CAMKMT: variants seen among roughly 807,000 people sequenced by gnomAD.
CAMKMT encodes the protein CaM KMT.
A neutral mutation model predicts 48.0 loss-of-function variants in CAMKMT; 53 were observed. The observed-to-expected ratio is 1.10, with a 90% confidence interval of 0.89 to 1.39. The LOEUF (loss-of-function observed/expected upper bound fraction) is 1.39, where lower values mean the gene tolerates loss of function less well. Among genes scored for constraint, CAMKMT ranks in the 40% most tolerant of loss-of-function variants. CAMKMT has a pLI of 0.00. For missense variants in CAMKMT, 428 were observed against 402.7 expected, an observed-to-expected ratio of 1.06 and a Z score of -0.54; for synonymous variants, 165 against 152.3, an observed-to-expected ratio of 1.08 and a Z score of -0.61.
chr2:44,436,434 G>A (rs1056475077), intron 3 of CAMKMT, among the ~76,000 whole-genome samples: 6 of 152,056 alleles, frequency 3.9e-5, no homozygotes, highest in African/African-American at 1.4e-4. Context: ...TAAAGAAAGG[G>A]GACACCAATT....
chr2:44,631,066 C>T (rs1360624667), intron 3 of CAMKMT, among the ~76,000 whole-genome samples: 3 of 152,124 alleles, frequency 2.0e-5, no homozygotes, highest in Non-Finnish European at 4.4e-5. Context: ...ACTATGCAGC[C>T]ATAAAAAATG....
chr2:44,382,003 A>G (rs575302831), intron 2 of CAMKMT, among the ~76,000 whole-genome samples: 1 of 142,396 alleles, frequency 7.0e-6, no homozygotes, highest in African/African-American at 2.6e-5. Context: ...ATGCAATGGC[A>G]CGATCTCGGC....
intron 3 of CAMKMT, among the ~76,000 whole-genome samples, chr2:44,412,958 C>G (rs2104483549): frequency 6.6e-6 from 1 of 151,886 alleles, no homozygotes. Context: ...CGCCTGTAAA[C>G]CCAGCTATTA....
At chr2:44,546,154 GACACACACACACACACACAC>G (rs4039614) in intron 3 of CAMKMT, among the ~76,000 whole-genome samples, 10,085 of 129,166 alleles carry the variant, frequency 0.078, 559 homozygotes, top group Admixed American at 0.2. Flanking sequence ...AGACTGCTAG[GACACACACACACACACACAC>G]ACACACACAC....
chr2:44,674,969 A>G (rs72870514), intron 3 of CAMKMT, among the ~76,000 whole-genome samples: 7,252 of 151,436 alleles, frequency 0.048, 575 homozygotes, highest in African/African-American at 0.17. Context: ...CTTAAGCTAA[A>G]TCCTCTCCCT....
chr2:44,605,660 G>T (rs1387961639), intron 3 of CAMKMT, among the ~76,000 whole-genome samples: 1 of 152,042 alleles, frequency 6.6e-6, no homozygotes, highest in Non-Finnish European at 1.5e-5. Flanking sequence ...AATACCTCAA[G>T]GAAACTAAGA....
At chr2:44,472,053 C>T (rs1446649836) in intron 3 of CAMKMT, among the ~76,000 whole-genome samples, 4 of 152,060 alleles carry the variant, frequency 2.6e-5, no homozygotes, top group African/African-American at 9.7e-5. Context: ...TATGATTCTT[C>T]CTAAAAGAAT....
intron 3 of CAMKMT, among the ~76,000 whole-genome samples, chr2:44,695,428 T>A (rs1213253898): frequency 6.6e-6 from 1 of 152,222 alleles, no homozygotes; most frequent in East Asian, 1.9e-4. Flanking sequence ...TACTCACTAT[T>A]CTTCCAGAAT....
At chr2:44,609,815 G>A (rs1425175067) in intron 3 of CAMKMT, among the ~76,000 whole-genome samples, 3 of 152,258 alleles carry the variant, frequency 2.0e-5, no homozygotes, top group Non-Finnish European at 2.9e-5. Context: ...GGCTCTTAAC[G>A]CCTCCTGCTG....
At chr2:44,402,444 T>C (rs1682467405) in intron 3 of CAMKMT, among the ~76,000 whole-genome samples, 2 of 152,044 alleles carry the variant, frequency 1.3e-5, no homozygotes, top group South Asian at 2.1e-4. Context: ...TTCTAACTTA[T>C]CATTTTTATG....
At chr2:44,634,814 C>CAAAAAAAAAA (rs1553429753) in intron 3 of CAMKMT, among the ~76,000 whole-genome samples, 1 of 60,662 alleles carries the variant, frequency 1.6e-5, no homozygotes, top group Non-Finnish European at 3.8e-5. Flanking sequence ...AAAAAAAAAG[C>CAAAAAAAAAA]ATTCTAGTCA....
intron 3 of CAMKMT, among the ~76,000 whole-genome samples, chr2:44,405,746 A>G (rs146394753): frequency 1.2e-3 from 181 of 152,316 alleles, no homozygotes; most frequent in African/African-American, 4.1e-3. Flanking sequence ...AGTGATATGC[A>G]TAAGAAACTA....
chr2:44,550,162 G>C (rs1667630117), intron 3 of CAMKMT, among the ~76,000 whole-genome samples: 1 of 152,128 alleles, frequency 6.6e-6, no homozygotes, highest in South Asian at 2.1e-4. Context: ...CACTCTGGGA[G>C]GCTGAGGTGG....
At chr2:44,456,566 A>C (rs772682349) in intron 3 of CAMKMT, 38 of 1,549,700 alleles carry the variant, frequency 2.5e-5, no homozygotes, top group Non-Finnish European at 3.5e-6. Context: ...TTTCTCTTTT[A>C]GGGGAAGCAA....
chr2:44,608,641 T>A (rs562083006), intron 3 of CAMKMT, among the ~76,000 whole-genome samples: 2 of 152,280 alleles, frequency 1.3e-5, no homozygotes, highest in African/African-American at 4.8e-5. Flanking sequence ...TTTTCCTCCC[T>A]CTTGATTATC....
intron 3 of CAMKMT, among the ~76,000 whole-genome samples, chr2:44,651,376 C>A (rs1300584393): frequency 6.6e-6 from 1 of 152,122 alleles, no homozygotes; most frequent in African/African-American, 2.4e-5. Context: ...GAAGAAATAC[C>A]TGTGTTTTAA....
At chr2:44,540,372 A>G (rs1453304826) in intron 3 of CAMKMT, among the ~76,000 whole-genome samples, 1 of 152,084 alleles carries the variant, frequency 6.6e-6, no homozygotes, top group African/African-American at 2.4e-5. Flanking sequence ...TTCCAGGATC[A>G]TCTTGTACTT....
chr2:44,469,735 C>T (rs1236285961), intron 3 of CAMKMT, among the ~76,000 whole-genome samples: 1 of 152,014 alleles, frequency 6.6e-6, no homozygotes, highest in African/African-American at 2.4e-5. Flanking sequence ...TTATCATCAC[C>T]ATGCATCTGT....
chr2:44,765,596 C>T (rs191954454), intron 9 of CAMKMT, among the ~76,000 whole-genome samples: 16 of 151,700 alleles, frequency 1.1e-4, no homozygotes, highest in South Asian at 6.3e-4. Flanking sequence ...AGGAAAAATC[C>T]GCATGCATCC....
Sources: allele counts gnomAD v4.1 joint callset (sites outside exome capture counted in the v4.1 genomes callset), GRCh38; gene constraint gnomAD v4.1.1; transcripts MANE v1.5; gene names NCBI Gene and HGNC (gene_info 2026-07-23, HGNC 2026-07-21).